RBFOX1: variants seen among roughly 807,000 people sequenced by gnomAD.
RBFOX1 encodes RNA binding fox-1 homolog 1, also known as RNA binding protein fox-1 homolog 1.
RBFOX1 carries 8 observed loss-of-function variants against 57.7 expected under a neutral mutation model. The ratio of observed to expected loss-of-function variants is 0.14; its 90% confidence interval spans 0.08 to 0.25. The LOEUF is 0.25. Among genes scored for constraint, RBFOX1 ranks in the 10% least tolerant of loss-of-function variants. RBFOX1 has a pLI of 1.00. For missense variants in RBFOX1, 611 were observed against 548.5 expected (o/e 1.11, Z -1.14); for synonymous variants, 326 against 222.4 (o/e 1.47, Z -4.15).
chr16:6,026,488 A>T (rs1051518302), intron 1 of RBFOX1, among the ~76,000 whole-genome samples: 1 of 152,220 alleles, frequency 6.6e-6, no homozygotes, highest in Non-Finnish European at 1.5e-5. Context: ...ACAGCCCCTG[A>T]TGCTCATCAC....
chr16:7,026,117 G>C (rs968759294), intron 3 of RBFOX1, among the ~76,000 whole-genome samples: 1 of 152,162 alleles, frequency 6.6e-6, no homozygotes, highest in Non-Finnish European at 1.5e-5. Context: ...TCACAGGCCA[G>C]GGTGGAAATG....
intron 4 of RBFOX1, chr16:7,422,877 C>T (rs1380272822): frequency 2.0e-5 from 3 of 152,102 alleles, no homozygotes; most frequent in Non-Finnish European, 4.4e-5. Flanking sequence ...GATGCTTTTT[C>T]TTCTGCCTCT....
chr16:6,602,724 G>C (rs1038995050), intron 2 of RBFOX1, among the ~76,000 whole-genome samples: 14 of 152,168 alleles, frequency 9.2e-5, no homozygotes, highest in Non-Finnish European at 1.9e-4. Flanking sequence ...TGAGCTGGAA[G>C]TGCAATTTTT....
intron 4 of RBFOX1, among the ~76,000 whole-genome samples, chr16:5,953,504 C>T (rs774076245): frequency 6.6e-6 from 1 of 152,058 alleles, no homozygotes; most frequent in East Asian, 1.9e-4. Context: ...CCACCCTTTC[C>T]CCCCGAGTCC....
chr16:5,473,565 G>C (rs1369163823), intron 2 of RBFOX1, among the ~76,000 whole-genome samples: 1 of 151,500 alleles, frequency 6.6e-6, no homozygotes, highest in African/African-American at 2.4e-5. Context: ...ATGGATGGAA[G>C]AGTGGGTAGA....
chr16:7,651,413 G>A (rs1188913071), intron 11 of RBFOX1, among the ~76,000 whole-genome samples: 1 of 152,154 alleles, frequency 6.6e-6, no homozygotes, highest in Non-Finnish European at 1.5e-5. Context: ...AGTTCTAAGT[G>A]CACTACATGG....
intron 2 of RBFOX1, among the ~76,000 whole-genome samples, chr16:6,460,265 T>A (rs1475188927): frequency 6.6e-6 from 1 of 152,108 alleles, no homozygotes; most frequent in Non-Finnish European, 1.5e-5. Flanking sequence ...TCCCTGTGTG[T>A]GTGACTGTGT....
chr16:6,750,288 A>G (rs1568456237), intron 3 of RBFOX1, among the ~76,000 whole-genome samples: 1 of 152,352 alleles, frequency 6.6e-6, no homozygotes, highest in East Asian at 1.9e-4. Flanking sequence ...AATCATTCTC[A>G]TAGCCTCACA....
chr16:7,678,618 A>C (rs1367990298), intron 14 of RBFOX1, among the ~76,000 whole-genome samples: 1 of 152,054 alleles, frequency 6.6e-6, no homozygotes, highest in Non-Finnish European at 1.5e-5. Context: ...TCTATCCCCA[A>C]GTTGAAAAAA....
intron 3 of RBFOX1, among the ~76,000 whole-genome samples, chr16:6,962,229 C>T (rs2083176027): frequency 2.0e-5 from 3 of 152,104 alleles, no homozygotes; most frequent in Admixed American, 2.0e-4. Context: ...GGCCTTCTTT[C>T]CTAGGTGTGT....
intron 4 of RBFOX1, among the ~76,000 whole-genome samples, chr16:7,368,132 T>G (rs939359517): frequency 2.5e-4 from 38 of 152,082 alleles, no homozygotes; most frequent in African/African-American, 9.2e-4. Context: ...GTGGACATGG[T>G]GGCACACACC....
chr16:7,121,387 G>C (rs915097960), intron 4 of RBFOX1, among the ~76,000 whole-genome samples: 1 of 151,870 alleles, frequency 6.6e-6, no homozygotes, highest in Non-Finnish European at 1.5e-5. Context: ...AAACCTCTTA[G>C]GTGAAAACAT....
chr16:6,866,608 C>T (rs1038000848), intron 3 of RBFOX1, among the ~76,000 whole-genome samples: 1 of 121,974 alleles, frequency 8.2e-6, no homozygotes, highest in Non-Finnish European at 1.6e-5. Context: ...GTGGTGCGAT[C>T]TCGGCTCACT....
At chr16:7,314,945 G>C (rs1384557697) in intron 4 of RBFOX1, among the ~76,000 whole-genome samples, 4 of 152,170 alleles carry the variant, frequency 2.6e-5, no homozygotes, top group Non-Finnish European at 4.4e-5. Flanking sequence ...ATGTAGGAAA[G>C]TTTCTTCTCT....
At chr16:7,709,881 T>C in intron 15 of RBFOX1, 3 of 1,099,562 alleles carry the variant, frequency 2.7e-6, no homozygotes, top group South Asian at 3.1e-5. Flanking sequence ...TATGCAATCA[T>C]TACAAAGCTT....
intron 12 of RBFOX1, among the ~76,000 whole-genome samples, chr16:7,662,714 G>A (rs1227121663): frequency 6.6e-6 from 1 of 152,198 alleles, no homozygotes; most frequent in Non-Finnish European, 1.5e-5. Flanking sequence ...CCCAGCTGCA[G>A]GTGGGCACCG....
At chr16:5,718,576 C>T (rs2051804822) in intron 3 of RBFOX1, among the ~76,000 whole-genome samples, 2 of 152,178 alleles carry the variant, frequency 1.3e-5, no homozygotes, top group Admixed American at 1.3e-4. Flanking sequence ...TTGAATGACA[C>T]ATACTTAGAT....
At chr16:5,472,832 T>C in intron 2 of RBFOX1, among the ~76,000 whole-genome samples, 1 of 152,246 alleles carries the variant, frequency 6.6e-6, no homozygotes, top group Non-Finnish European at 1.5e-5. Context: ...GCTGCACGCC[T>C]GTCTGCATAG....
At chr16:7,268,111 T>G (rs141083262) in intron 4 of RBFOX1, among the ~76,000 whole-genome samples, 2 of 152,266 alleles carry the variant, frequency 1.3e-5, no homozygotes, top group Non-Finnish European at 2.9e-5. Context: ...ATGGTAGGCA[T>G]GTGTAACATC....
Sources: allele counts gnomAD v4.1 joint callset (sites outside exome capture counted in the v4.1 genomes callset), GRCh38; gene constraint gnomAD v4.1.1; transcripts MANE v1.5; gene names NCBI Gene and HGNC (gene_info 2026-07-23, HGNC 2026-07-21).